The following ST6GALNAC4 variants were observed in gnomAD, a reference collection of about 807,000 sequenced individuals.
ST6GALNAC4 encodes alpha-N-acetyl-neuraminyl-2,3-beta-galactosyl-1,3-N-acetyl-galactosaminide alpha-2,6-sialyltransferase.
In ST6GALNAC4, 24 loss-of-function variants were observed where a neutral mutation model predicts 30.4. That is an observed-to-expected ratio of 0.79 (90% CI 0.57 to 1.11). The LOEUF (loss-of-function observed/expected upper bound fraction) is 1.11. ST6GALNAC4 is among the 50% of genes most tolerant of loss of function. The pLI, the probability that ST6GALNAC4 is intolerant of heterozygous loss-of-function variation, is 0.00. For missense variants in ST6GALNAC4, 365 were observed against 430.1 expected, an observed-to-expected ratio of 0.85 and a Z score of 1.34; for synonymous variants, 156 against 179.7, an observed-to-expected ratio of 0.87 and a Z score of 1.05.
intron 4 of ST6GALNAC4, among the ~76,000 whole-genome samples, chr9:127,911,040 A>G (rs897272017): frequency 1.4e-4 from 21 of 152,110 alleles, no homozygotes; most frequent in Admixed American, 1.3e-4. Context: ...CTGGGAGAAG[A>G]ACATTCCAGG....
intron 2 of ST6GALNAC4, among the ~76,000 whole-genome samples, chr9:127,915,274 AG>A (rs1318406376): frequency 6.6e-6 from 1 of 152,052 alleles, no homozygotes; most frequent in South Asian, 2.1e-4. Context: ...AACTTACGGG[AG>A]GGGGGCAGTG....
rs1344813823 is a variant in ST6GALNAC4, at chr9:127,908,184, A to G, written c.*208T>C. ...TACTCAGGGAGTGGAGGGGGGAGAC[A>G]CGGCTCCCCCCTCCACTCCCCTTCA... is the stretch of plus-strand genomic sequence containing the variant. On this transcript the variant is annotated 3_prime_UTR_variant, in exon 6 of 6. Transcript: ENST00000335791. 3 of 209,402 alleles carry G rather than the reference A, an allele frequency of 1.4e-5. No homozygotes were observed. Among genetic ancestry groups the G allele is most frequent in the East Asian group, 8.1e-5 (1 of 12,310 alleles). 13.0% of individuals were successfully genotyped at this position (209,402 alleles called of 1,614,324 possible).
Position 127,908,558 on chromosome 9 carries a change from G to A in ST6GALNAC4, c.743C>T (p.Pro248Leu), listed in dbSNP as rs1443396163. Residue 248 changes from proline to leucine, a missense_variant, in exon 6 of 6, where the codon CCT (proline) becomes CTT (leucine). By Grantham distance (98) the Pro-to-Leu change is moderately conservative. Coordinates refer to ENST00000335791, the MANE Select transcript of ST6GALNAC4 (RefSeq NM_175039.4). Reference protein sequence around the residue: ...YCREKSHPSVPYHYFEKGRLD... With the variant: ...YCREKSHPSVLYHYFEKGRLD... ...CCGGCCCTTCTCAAAGTAGTGGTAA[G>A]GCACTGAGGGGTGGCTCTTCTCCCT... The A allele has an allele frequency of 1.3e-6, 2 of 1,586,104 alleles. No individual in the cohort carries two copies. The highest frequency in any genetic ancestry group is 2.3e-5 in the East Asian group (1 of 43,972).
In ST6GALNAC4 at chr9:127,908,318, G is replaced by A. The variant is rs1830978714; in HGVS notation, c.*74C>T. 4.4e-6 allele frequency: 6 copies of A among 1,379,184 alleles called. No individual in the cohort carries two copies. Among genetic ancestry groups the A allele is most frequent in the Non-Finnish European group, 4.9e-6 (5 of 1,030,182 alleles). 85.4% of individuals were successfully genotyped at this position (1,379,184 alleles called of 1,614,324 possible). A position where few individuals can be genotyped will look rare whatever the true frequency, so the allele number is the denominator to read the frequency against. ...CAGGATCCATAAATTAAATGTTTTT[G>A]TGGAGTGTGATGGCTTGGGATGGGA... is the stretch of plus-strand genomic sequence containing the variant. On this transcript the variant is annotated 3_prime_UTR_variant, in exon 6 of 6. Coordinates refer to ENST00000335791, the MANE Select transcript of ST6GALNAC4 (RefSeq NM_175039.4).
Position 127,909,863 on chromosome 9 carries a change from C to G in ST6GALNAC4, c.719+88G>C, listed in dbSNP as rs1035310698. ...CCATGAAGCCCACACTCCCTCTGCC[C>G]CCACAGCTCCCAAATCCTCTGGTTT... On this transcript the variant is annotated intron_variant, in intron 5 of 5. Coordinates refer to ENST00000335791, the MANE Select transcript of ST6GALNAC4 (RefSeq NM_175039.4). The G allele has an allele frequency of 3.8e-6, 5 of 1,312,090 alleles. No homozygotes were observed. In the Admixed American group the frequency reaches 1.0e-4, roughly 27 times the overall value. The allele number at this position is 1,312,090 out of a possible 1,614,324, so 81.3% of individuals were successfully genotyped here. A position where few individuals can be genotyped will look rare whatever the true frequency, so the allele number is the denominator to read the frequency against.
Position 127,914,790 on chromosome 9 carries a change from T to TG in ST6GALNAC4, c.63dup (p.Ile22HisfsTer39), listed in dbSNP as rs760777220. On this transcript the variant is annotated frameshift_variant, in exon 3 of 6. Coordinates refer to ENST00000335791, the MANE Select transcript of ST6GALNAC4 (RefSeq NM_175039.4). LOFTEE classifies it high-confidence loss of function. Reference sequence around the variant, plus strand: ...AGGCCGGCCCAGCAGCACAGGAGGATGTAGACGGCAGAGAAGACCACGGAG... The same window carrying TG: ...AGGCCGGCCCAGCAGCACAGGAGGATGGTAGACGGCAGAGAAGACCACGGAG... 6.9e-6 allele frequency: 11 copies of TG among 1,593,746 alleles called. No individual in the cohort carries two copies. The highest frequency in any genetic ancestry group is 8.6e-6 in the Non-Finnish European group (10 of 1,169,374).
intron 4 of ST6GALNAC4, among the ~76,000 whole-genome samples, chr9:127,911,288 C>T (rs1050799828): frequency 1.3e-5 from 2 of 152,158 alleles, no homozygotes; most frequent in African/African-American, 4.8e-5. Context: ...GAATCAGAGG[C>T]ACAGCCCAAT....
intron 2 of ST6GALNAC4, 71 bp downstream of exon 2, chr9:127,916,337 G>A: frequency 6.2e-7 from 1 of 1,604,606 alleles, no homozygotes; most frequent in African/African-American, 1.3e-5. Context: ...TCCTGGGGTG[G>A]AGAGGCTGCT....
chr9:127,915,616 G>GGGCT (rs1831178781), intron 2 of ST6GALNAC4, among the ~76,000 whole-genome samples: 1 of 152,258 alleles, frequency 6.6e-6, no homozygotes, highest in Non-Finnish European at 1.5e-5. Context: ...ACCCAGCCTG[G>GGGCT]GGCTGGTCCT....
Position 127,916,892 on chromosome 9 carries a change from C to G in ST6GALNAC4, c.-142G>C, listed in dbSNP as rs917186890. 5.6e-6 allele frequency: 1 copy of G among 177,132 alleles called. No individual in the cohort carries two copies. The highest frequency in any genetic ancestry group is 5.6e-5 in the Admixed American group (1 of 17,966). The allele number at this position is 177,132 out of a possible 1,614,324, so 11.0% of individuals were successfully genotyped here. On this transcript the variant is annotated 5_prime_UTR_variant, in exon 1 of 6. Transcript: ENST00000335791. ...GGACGTAGGTTTTTCACCGCCCTTC[C>G]AGATTCCACTGCCGCATCTCCCGGC...
intron 4 of ST6GALNAC4, 95 bp downstream of exon 4, chr9:127,912,173 G>T: frequency 1.3e-6 from 2 of 1,483,242 alleles, no homozygotes; most frequent in Non-Finnish European, 9.0e-7. Flanking sequence ...CTGACCTCCC[G>T]GGCCTGACAG....
chr9:127,912,188 G>GC (rs61634753), intron 4 of ST6GALNAC4, 80 bp downstream of exon 4: 188,176 of 1,527,230 alleles, frequency 0.12, 14,084 homozygotes, highest in African/African-American at 0.3. Context: ...TGACAGAGCA[G>GC]CCCCTGATGG....
At chr9:127,910,304 G>C in intron 4 of ST6GALNAC4, 2 of 1,280,452 alleles carry the variant, frequency 1.6e-6, no homozygotes, top group Non-Finnish European at 2.0e-6. Flanking sequence ...GCCCAGCTAC[G>C]CTTTGCAGGG....
In ST6GALNAC4 at chr9:127,908,359, G is replaced by A. The variant is rs375006227; in HGVS notation, c.*33C>T. The stretch of plus-strand genomic sequence containing the variant: ...TGGGATGGGACATCCCGGAGGCCTC[G>A]CAACGGCATGGCGACTGGCAGGACG... On this transcript the variant is annotated 3_prime_UTR_variant, in exon 6 of 6. Coordinates refer to ENST00000335791, the MANE Select transcript of ST6GALNAC4 (RefSeq NM_175039.4). The A allele has an allele frequency of 3.1e-4, 473 of 1,506,196 alleles. No individual in the cohort carries two copies. Among genetic ancestry groups the A allele is most frequent in the Admixed American group, 7.8e-4 (39 of 50,270 alleles). The allele number at this position is 1,506,196 out of a possible 1,614,324, so 93.3% of individuals were successfully genotyped here.
intron 3 of ST6GALNAC4, among the ~76,000 whole-genome samples, chr9:127,913,457 C>T (rs560310860): frequency 9.2e-5 from 14 of 152,236 alleles, no homozygotes; most frequent in Non-Finnish European, 1.3e-4. Context: ...TGGTAGCACA[C>T]GCCTGTAATC....
At position 127,909,159 on chromosome 9, in the gene ST6GALNAC4, G is replaced by A. The variant is rs571036144; in HGVS notation, c.720-578C>T. ...CCCTGATCCCTGGGGAGGCCAAGGC[G>A]GGAGGATCACCTGAGGTCAGGAGTT... On this transcript the variant is annotated intron_variant, in intron 5 of 5. Transcript: ENST00000335791. 4.6e-5 allele frequency among the ~76,000 whole-genome samples: 7 copies of A among 152,242 alleles called. No individual in the cohort carries two copies. The South Asian group carries it at 8.3e-4, about 18-fold the overall frequency.
At chr9:127,915,330 A>G (rs1490025968) in intron 2 of ST6GALNAC4, among the ~76,000 whole-genome samples, 3 of 152,058 alleles carry the variant, frequency 2.0e-5, no homozygotes, top group Non-Finnish European at 4.4e-5. Context: ...TGACAACGGG[A>G]AAGTGGTGCC....
intron 2 of ST6GALNAC4, chr9:127,916,082 C>T (rs758598430): frequency 3.4e-5 from 16 of 469,400 alleles, no homozygotes; most frequent in Non-Finnish European, 6.1e-5. Context: ...CTCTCTCTCT[C>T]ACAGCCCGGG....
At chr9:127,911,847 T>C (rs1252276859) in intron 4 of ST6GALNAC4, among the ~76,000 whole-genome samples, 1 of 151,818 alleles carries the variant, frequency 6.6e-6, no homozygotes, top group East Asian at 1.9e-4. Flanking sequence ...GGCCTCAAAC[T>C]CCTGACCTCA....
Sources: allele counts gnomAD v4.1 joint callset (sites outside exome capture counted in the v4.1 genomes callset), GRCh38; gene constraint gnomAD v4.1.1; transcripts MANE v1.5; gene names NCBI Gene and HGNC (gene_info 2026-07-23, HGNC 2026-07-21).